Variants in MCTP2 observed in about 807,000 individuals in gnomAD.
MCTP2 encodes the protein multiple C2 and transmembrane domain-containing protein 2.
In MCTP2, 132 loss-of-function variants were observed where a neutral mutation model predicts 111.6. The ratio of observed to expected loss-of-function variants is 1.18; its 90% CI spans 1.03 to 1.37. The LOEUF is 1.37. MCTP2 is among the 40% of genes most tolerant of loss of function. The pLI is 0.00. For missense variants in MCTP2, 1,183 were observed against 1,067.9 expected (o/e 1.11, Z -1.50); for synonymous variants, 395 against 387.7 (o/e 1.02, Z -0.22).
At chr15:94,274,183 T>TA (rs35530286) in intron 1 of MCTP2, among the ~76,000 whole-genome samples, 75 of 150,942 alleles carry the variant, frequency 5.0e-4, no homozygotes, top group Admixed American at 1.3e-3. Flanking sequence ...GGAAATGCTC[T>TA]AAAAAAAAAG....
intron 4 of MCTP2, among the ~76,000 whole-genome samples, chr15:94,329,867 C>T (rs2077054243): frequency 6.6e-6 from 1 of 152,200 alleles, no homozygotes; most frequent in African/African-American, 2.4e-5. Flanking sequence ...CAATACCCTT[C>T]CATTAACTAG....
At chr15:94,246,495 T>C (rs1265056410) in intron 1 of MCTP2, among the ~76,000 whole-genome samples, 1 of 152,212 alleles carries the variant, frequency 6.6e-6, no homozygotes, top group African/African-American at 2.4e-5. Context: ...TCTTGTTGTT[T>C]GGAAATATTG....
intron 19 of MCTP2, among the ~76,000 whole-genome samples, chr15:94,451,317 T>C (rs1016137874): frequency 6.6e-6 from 1 of 152,192 alleles, no homozygotes; most frequent in African/African-American, 2.4e-5. Context: ...CTTATGAAAT[T>C]TGAAAAATTC....
At chr15:94,360,317 G>T (rs1044027785) in intron 10 of MCTP2, among the ~76,000 whole-genome samples, 3 of 152,134 alleles carry the variant, frequency 2.0e-5, no homozygotes, top group Admixed American at 2.0e-4. Flanking sequence ...CTACAGACAT[G>T]GCCTGTCGGA....
At chr15:94,285,429 A>C (rs563163687) in intron 1 of MCTP2, among the ~76,000 whole-genome samples, 18 of 152,358 alleles carry the variant, frequency 1.2e-4, no homozygotes, top group African/African-American at 3.8e-4. Flanking sequence ...CAAGTTACTG[A>C]TGCCAGGTAA....
chr15:94,235,422 A>G (rs188154144), intron 1 of MCTP2, among the ~76,000 whole-genome samples: 28 of 152,264 alleles, frequency 1.8e-4, no homozygotes, highest in Admixed American at 1.0e-3. Context: ...CTGTGCTTTA[A>G]GAAGCCCTCC....
At chr15:94,244,793 CGTATGTTTATATA>C in intron 1 of MCTP2, among the ~76,000 whole-genome samples, 1 of 140,160 alleles carries the variant, frequency 7.1e-6, no homozygotes, top group African/African-American at 2.7e-5. Context: ...TACATATGCA[CGTATGTTTATATA>C]CGTATATGTA....
At chr15:94,295,357 C>T (rs193011438) in intron 1 of MCTP2, among the ~76,000 whole-genome samples, 1 of 145,618 alleles carries the variant, frequency 6.9e-6, no homozygotes, top group Non-Finnish European at 1.5e-5. Context: ...TGTAATATAT[C>T]TGTCTGTCTG....
At chr15:94,439,186 TATATG>T (rs1351585879) in intron 17 of MCTP2, among the ~76,000 whole-genome samples, 1 of 152,184 alleles carries the variant, frequency 6.6e-6, no homozygotes, top group East Asian at 1.9e-4. Flanking sequence ...ATAAAAGCAA[TATATG>T]ATAATCACAA....
intron 1 of MCTP2, among the ~76,000 whole-genome samples, chr15:94,275,642 A>T (rs1377870357): frequency 6.6e-6 from 1 of 152,106 alleles, no homozygotes; most frequent in African/African-American, 2.4e-5. Flanking sequence ...GATAATCTTG[A>T]TTATATCTTG....
chr15:94,257,689 C>A (rs1346640493), intron 1 of MCTP2, among the ~76,000 whole-genome samples: 2 of 143,386 alleles, frequency 1.4e-5, no homozygotes, highest in African/African-American at 5.2e-5. Flanking sequence ...TAGGTTCGAG[C>A]GATTCTCCTG....
At chr15:94,449,557 C>T (rs2084318639) in intron 19 of MCTP2, among the ~76,000 whole-genome samples, 1 of 152,146 alleles carries the variant, frequency 6.6e-6, no homozygotes, top group African/African-American at 2.4e-5. Flanking sequence ...TCTATGAATA[C>T]AAAAATTACA....
chr15:94,357,127 A>G (rs2078668240), intron 9 of MCTP2, among the ~76,000 whole-genome samples: 1 of 152,192 alleles, frequency 6.6e-6, no homozygotes, highest in African/African-American at 2.4e-5. Flanking sequence ...GCAGATACAG[A>G]CAAGTTGGAA....
intron 20 of MCTP2, among the ~76,000 whole-genome samples, chr15:94,468,957 T>C (rs907645006): frequency 6.6e-6 from 1 of 152,186 alleles, no homozygotes; most frequent in Non-Finnish European, 1.5e-5. Context: ...GAGATTACTG[T>C]AGTTCTCCTA....
At chr15:94,271,380 G>A (rs1375450563) in intron 1 of MCTP2, among the ~76,000 whole-genome samples, 1 of 152,142 alleles carries the variant, frequency 6.6e-6, no homozygotes, top group East Asian at 1.9e-4. Context: ...ACTACCTTAA[G>A]GGCATAATGA....
Position 94,352,275 on chromosome 15 carries a change from A to C in MCTP2, c.1006-3862A>C, listed in dbSNP as rs561650107. ...CGGGATGGTCTTGAACGAGAAGTAA[A>C]TTAGTGTTTTCAAAGCTCTTTTACA... On this transcript the variant is annotated intron_variant, in intron 8 of 22. Transcript: ENST00000357742. 5.3e-5 allele frequency among the ~76,000 whole-genome samples: 8 copies of C among 152,320 alleles called. No homozygotes were observed. The East Asian group carries it at 1.5e-3, about 29-fold the overall frequency.
intron 19 of MCTP2, among the ~76,000 whole-genome samples, chr15:94,452,119 T>A (rs1031999347): frequency 6.6e-6 from 1 of 152,200 alleles, no homozygotes; most frequent in Non-Finnish European, 1.5e-5. Context: ...GACTCCATGG[T>A]CTGCTGTATA....
At chr15:94,313,163 G>A (rs2076223583) in intron 2 of MCTP2, among the ~76,000 whole-genome samples, 1 of 152,138 alleles carries the variant, frequency 6.6e-6, no homozygotes, top group Admixed American at 6.5e-5. Context: ...TGCCAAACAG[G>A]AATATCCTCA....
At chr15:94,245,457 T>C (rs910058083) in intron 1 of MCTP2, among the ~76,000 whole-genome samples, 3 of 140,108 alleles carry the variant, frequency 2.1e-5, no homozygotes, top group African/African-American at 5.2e-5. Context: ...TATGTATATG[T>C]ATTTATATAC....
Sources: allele counts gnomAD v4.1 joint callset (sites outside exome capture counted in the v4.1 genomes callset), GRCh38; gene constraint gnomAD v4.1.1; transcripts MANE v1.5; gene names NCBI Gene and HGNC (gene_info 2026-07-23, HGNC 2026-07-21).